The following SWT1 variants were observed in gnomAD, a reference collection of about 807,000 sequenced individuals.
The protein encoded by SWT1 is SWT1 RNA endoribonuclease homolog, also known as transcriptional protein SWT1.
A neutral mutation model predicts 107.3 loss-of-function variants in SWT1; 33 were observed. The ratio of observed to expected loss-of-function variants is 0.31; its 90% CI spans 0.23 to 0.41. The LOEUF (loss-of-function observed/expected upper bound fraction) is 0.41, where lower values mean the gene tolerates loss of function less well. Ranked by LOEUF, SWT1 falls within the 10% of genes least tolerant of loss-of-function variation. The pLI, the probability that SWT1 is intolerant of heterozygous loss-of-function variation, is 1.00. For missense variants in SWT1, 898 were observed against 1,028.9 expected, an observed-to-expected ratio of 0.87 and a Z score of 1.74; for synonymous variants, 345 against 348.3, an observed-to-expected ratio of 0.99 and a Z score of 0.11.
At chr1:185,240,471 A>G (rs757412503) in intron 16 of SWT1, among the ~76,000 whole-genome samples, 1 of 152,000 alleles carries the variant, frequency 6.6e-6, no homozygotes, top group Non-Finnish European at 1.5e-5. Flanking sequence ...ACATGCTTTT[A>G]TATTAAAAGA....
chr1:185,277,588 C>T (rs530559763), intron 18 of SWT1, among the ~76,000 whole-genome samples: 1 of 152,290 alleles, frequency 6.6e-6, no homozygotes, highest in African/African-American at 2.4e-5. Context: ...CCGCACCTGG[C>T]CACATCTTAG....
chr1:185,290,570 A>G, intron 18 of SWT1, 104 bp from the exon 19 acceptor site: 1 of 733,562 alleles, frequency 1.4e-6, no homozygotes, highest in South Asian at 3.4e-5. Flanking sequence ...CATAATATAT[A>G]TATATTTTTT....
intron 9 of SWT1, among the ~76,000 whole-genome samples, chr1:185,188,305 G>A (rs1419629226): frequency 6.6e-6 from 1 of 152,184 alleles, no homozygotes; most frequent in African/African-American, 2.4e-5. Flanking sequence ...TGGTATTACT[G>A]ATAATCTTGA....
intron 18 of SWT1, 91 bp from the exon 19 acceptor site, chr1:185,290,583 T>C (rs1665198846): frequency 2.3e-6 from 2 of 879,112 alleles, no homozygotes; most frequent in Non-Finnish European, 3.1e-6. Flanking sequence ...TATTTTTTAT[T>C]TGTCAATTAA....
In SWT1 at chr1:185,160,901, C is replaced by T; in HGVS notation, c.60C>T (p.Thr20=). Residue 20 remains threonine (T), a synonymous_variant, in exon 2 of 19, where the codon ACC becomes ACT. Transcript: ENST00000367500. ...KETSQRKDTT[T]SSPNFGEKDK... is the part of the protein sequence containing the mutation. ...CATCTCAGAGGAAAGACACCACCAC[C>T]TCATCACCCAATTTTGGTGAAAAAG... 1 of 1,612,576 alleles carries T rather than the reference C, an allele frequency of 6.2e-7. No homozygotes were observed. Among genetic ancestry groups the T allele is most frequent in the Non-Finnish European group, 8.5e-7 (1 of 1,179,292 alleles).
At chr1:185,204,592 A>G (rs1380046193) in intron 11 of SWT1, 108 bp from the exon 12 acceptor site, 2 of 469,890 alleles carry the variant, frequency 4.3e-6, no homozygotes, top group African/African-American at 2.0e-5. Flanking sequence ...TTTATATATA[A>G]TTAAAATATA....
Position 185,160,905 on chromosome 1 carries a change from T to C in SWT1, c.64T>C (p.Ser22Pro), listed in dbSNP as rs1654090149. Residue 22 changes from serine to proline, a missense_variant, in exon 2 of 19, where the codon TCA becomes CCA. Transcript: ENST00000367500. ...TSQRKDTTTS[S>P]PNFGEKDKKE... ...TCAGAGGAAAGACACCACCACCTCA[T>C]CACCCAATTTTGGTGAAAAAGTAAG... The C allele has an allele frequency of 2.5e-6, 4 of 1,612,540 alleles. No homozygotes were observed. Among genetic ancestry groups the C allele is most frequent in the Non-Finnish European group, 3.4e-6 (4 of 1,179,266 alleles).
chr1:185,198,931 C>T (rs1294078929), intron 10 of SWT1, among the ~76,000 whole-genome samples: 6 of 149,720 alleles, frequency 4.0e-5, no homozygotes, highest in Admixed American at 6.7e-5. Context: ...GCATTTAGCT[C>T]GTTTACATTT....
intron 7 of SWT1, among the ~76,000 whole-genome samples, chr1:185,183,017 T>C (rs564055695): frequency 2.8e-4 from 42 of 149,750 alleles, no homozygotes; most frequent in Middle Eastern, 3.5e-3. Flanking sequence ...CATGCCTGTA[T>C]TCCCAGCTAC....
intron 16 of SWT1, among the ~76,000 whole-genome samples, chr1:185,260,117 G>A (rs1662917731): frequency 1.3e-5 from 2 of 152,144 alleles, no homozygotes; most frequent in African/African-American, 4.8e-5. Flanking sequence ...TAGAGGATGA[G>A]TGCACATGAT....
intron 15 of SWT1, chr1:185,227,480 T>C: frequency 3.5e-6 from 2 of 576,402 alleles, no homozygotes; most frequent in African/African-American, 1.8e-5. Context: ...GTGCAGACTA[T>C]CATATCCCTC....
chr1:185,166,522 A>G (rs748695100), intron 2 of SWT1, 50 bp from the exon 3 acceptor site: 5 of 1,210,648 alleles, frequency 4.1e-6, no homozygotes, highest in Non-Finnish European at 6.0e-6. Flanking sequence ...TGTTTATACT[A>G]TGCTTTATTT....
At position 185,166,607 on chromosome 1, in the gene SWT1, T is replaced by G; in HGVS notation, c.120T>G (p.Thr40=). 2 of 1,607,180 alleles carry G rather than the reference T, an allele frequency of 1.2e-6. No homozygotes were observed. The highest frequency in any genetic ancestry group is 1.7e-6 in the Non-Finnish European group (2 of 1,175,472). The change falls in exon 3 of 19, where the codon ACT becomes ACG. Residue 40 remains threonine, a synonymous_variant. Transcript: ENST00000367500. ...KKERKTPASS[T]SSSSIRSVSS... ...AGAGAAAAACCCCAGCAAGTTCTAC[T>G]AGTTCATCTTCTATAAGATCAGTTT...
In SWT1 at chr1:185,224,892, ATGT is replaced by A. The variant is rs774409984; in HGVS notation, c.2309+2860_2309+2862del. 8.5e-5 allele frequency among the ~76,000 whole-genome samples: 13 copies of A among 152,218 alleles called. No homozygotes were observed. The East Asian group carries it at 1.2e-3, about 14-fold the overall frequency. ...TTAAGAGTTTTCCATATATACGATC[ATGT>A]TGTCTGTGAACAGGGATAATTTGAC... On this transcript the variant is annotated intron_variant, in intron 15 of 18. Coordinates refer to ENST00000367500, the MANE Select transcript of SWT1 (RefSeq NM_017673.7).
At chr1:185,188,126 A>T (rs776348249) in intron 9 of SWT1, among the ~76,000 whole-genome samples, 1 of 152,220 alleles carries the variant, frequency 6.6e-6, no homozygotes, top group Non-Finnish European at 1.5e-5. Flanking sequence ...CATACCTAGT[A>T]AGTGGGAAAA....
chr1:185,277,565 C>T (rs944673451), intron 18 of SWT1, among the ~76,000 whole-genome samples: 1 of 152,190 alleles, frequency 6.6e-6, no homozygotes, highest in Non-Finnish European at 1.5e-5. Flanking sequence ...GCTGGGATTA[C>T]AGGCTTGAGC....
intron 10 of SWT1, among the ~76,000 whole-genome samples, chr1:185,199,670 C>T (rs1234726901): frequency 6.6e-6 from 1 of 152,176 alleles, no homozygotes; most frequent in Non-Finnish European, 1.5e-5. Context: ...TCCGACTGCC[C>T]TTAACATTTT....
intron 16 of SWT1, among the ~76,000 whole-genome samples, chr1:185,269,903 GT>G (rs761412403): frequency 1.3e-5 from 2 of 152,142 alleles, no homozygotes; most frequent in Non-Finnish European, 2.9e-5. Context: ...AATATTACAA[GT>G]CAAAATGCAC....
In SWT1 at chr1:185,204,577, T is replaced by C; in HGVS notation, c.1670-123T>C. 9.3e-6 allele frequency: 4 copies of C among 428,604 alleles called. No individual in the cohort carries two copies. The East Asian group carries it at 1.6e-4, about 17-fold the overall frequency. 26.6% of individuals were successfully genotyped at this position (428,604 alleles called of 1,614,324 possible). A position where few individuals can be genotyped will look rare whatever the true frequency, so the allele number is the denominator to read the frequency against. On this transcript the variant is annotated intron_variant, in intron 11 of 18. Transcript: ENST00000367500. Reference sequence around the variant, plus strand: ...AATTGTTTTGAAAATAAAATATTTGTTTGTTTTATATATAATTAAAATATA... The same window carrying C: ...AATTGTTTTGAAAATAAAATATTTGCTTGTTTTATATATAATTAAAATATA...
Sources: gnomAD v4.1 joint callset for allele counts (sites outside exome capture counted in the v4.1 genomes callset) on GRCh38, gnomAD v4.1.1 for gene constraint, MANE v1.5 for transcripts, NCBI Gene and HGNC (gene_info 2026-07-23, HGNC 2026-07-21) for gene names.